TENM4: variants seen among roughly 807,000 people sequenced by gnomAD.
The protein encoded by TENM4 is teneurin transmembrane protein 4.
TENM4 carries 82 observed loss-of-function variants against 243.3 expected under a neutral mutation model. That is an observed-to-expected ratio of 0.34 (90% CI 0.28 to 0.40). The LOEUF is 0.40. TENM4 is among the 10% of genes least tolerant of loss of function. The pLI, the probability that TENM4 is intolerant of heterozygous loss-of-function variation, is 1.00. For synonymous variants in TENM4, 1,412 were observed against 1,456.3 expected (o/e 0.97, Z 0.69); for missense variants, 3,138 against 3,673.3 (o/e 0.85, Z 3.77).
chr11:79,142,115 A>C (rs551140614), intron 4 of TENM4, among the ~76,000 whole-genome samples: 1 of 152,072 alleles, frequency 6.6e-6, no homozygotes, highest in Non-Finnish European at 1.5e-5. Context: ...GTTATTTAAC[A>C]TAGTACTGGA....
intron 6 of TENM4, among the ~76,000 whole-genome samples, chr11:78,995,094 C>T (rs1417610676): frequency 6.6e-6 from 1 of 152,108 alleles, no homozygotes; most frequent in Non-Finnish European, 1.5e-5. Flanking sequence ...AGTCTAGCCT[C>T]CTCTATGATA....
At chr11:79,351,518 C>T (rs1009881848) in intron 1 of TENM4, among the ~76,000 whole-genome samples, 6 of 152,162 alleles carry the variant, frequency 3.9e-5, no homozygotes, top group Admixed American at 2.6e-4. Context: ...CCAGCCTGGC[C>T]AGCATGGTGA....
At chr11:79,030,430 C>T (rs1209474424) in intron 6 of TENM4, among the ~76,000 whole-genome samples, 2 of 152,090 alleles carry the variant, frequency 1.3e-5, no homozygotes, top group Non-Finnish European at 2.9e-5. Context: ...TGGGAGCCAC[C>T]CTAGCTTGAT....
At chr11:78,677,416 G>C (rs780210708) in intron 29 of TENM4, among the ~76,000 whole-genome samples, 2 of 151,668 alleles carry the variant, frequency 1.3e-5, no homozygotes, top group African/African-American at 4.8e-5. Flanking sequence ...CACCACACCC[G>C]GCTAATTTTT....
chr11:78,845,162 T>C (rs1024024505), intron 12 of TENM4, among the ~76,000 whole-genome samples: 2 of 152,156 alleles, frequency 1.3e-5, no homozygotes, highest in African/African-American at 2.4e-5. Flanking sequence ...TATGAAAGGG[T>C]TGGTTCTCCC....
At chr11:78,714,626 G>T (rs1859481217) in intron 25 of TENM4, among the ~76,000 whole-genome samples, 1 of 152,076 alleles carries the variant, frequency 6.6e-6, no homozygotes, top group South Asian at 2.1e-4. Context: ...GAAGGTATGA[G>T]CTCCCTGCCC....
chr11:79,175,553 G>A (rs114481054), intron 3 of TENM4, among the ~76,000 whole-genome samples: 1,569 of 152,278 alleles, frequency 0.01, 25 homozygotes, highest in African/African-American at 0.036. Context: ...ACATGGAAAG[G>A]TAGACTATAT....
chr11:78,864,177 T>G (rs1200999863), intron 9 of TENM4, among the ~76,000 whole-genome samples: 3 of 152,076 alleles, frequency 2.0e-5, no homozygotes, highest in Non-Finnish European at 4.4e-5. Flanking sequence ...ATACTATGGA[T>G]CGGGGGATAG....
chr11:78,704,924 C>T (rs373784890), intron 27 of TENM4, among the ~76,000 whole-genome samples: 119 of 152,258 alleles, frequency 7.8e-4, no homozygotes, highest in African/African-American at 1.8e-3. Context: ...CATGATCTTC[C>T]GGTCCTGCTT....
At chr11:79,093,272 GA>G (rs3216125) in intron 4 of TENM4, 46,909 of 152,032 alleles carry the variant, frequency 0.31, 7,455 homozygotes, top group East Asian at 0.42. Flanking sequence ...CCAGTAAGAT[GA>G]AAAAAGGAAG....
intron 6 of TENM4, among the ~76,000 whole-genome samples, chr11:78,962,691 C>A (rs1857356399): frequency 6.6e-6 from 1 of 152,260 alleles, no homozygotes; most frequent in African/African-American, 2.4e-5. Context: ...TATCAAACAG[C>A]TGCCCCTCTC....
chr11:78,807,797 A>G (rs1292109919), intron 14 of TENM4, among the ~76,000 whole-genome samples: 2 of 152,170 alleles, frequency 1.3e-5, no homozygotes, highest in African/African-American at 2.4e-5. Flanking sequence ...CTGCAGAAGA[A>G]AAAGCTCTCC....
chr11:78,730,843 T>C lies in TENM4; in HGVS notation c.3139-1200A>G, dbSNP rs183949470. The stretch of plus-strand genomic sequence containing the variant: ...CCTGAACACAGGAAATTTTAGGGAT[T>C]GGGCTTAAACTAAGGCAATCTTCCT... On this transcript the variant is annotated intron_variant, in intron 21 of 33. Coordinates refer to ENST00000278550, the MANE Select transcript of TENM4 (RefSeq NM_001098816.3). Among the ~76,000 whole-genome samples, 302 of 152,344 alleles carry C rather than the reference T, an allele frequency of 2.0e-3. 1 individual carries two copies. The highest frequency in any genetic ancestry group is 7.0e-3 in the African/African-American group (290 of 41,586).
At chr11:79,157,519 G>C (rs1201199975) in intron 3 of TENM4, among the ~76,000 whole-genome samples, 2 of 152,136 alleles carry the variant, frequency 1.3e-5, no homozygotes, top group Non-Finnish European at 2.9e-5. Flanking sequence ...TGGTAAAGAA[G>C]ACCCAGGTCT....
chr11:79,163,486 C>T (rs1862801990), intron 3 of TENM4, among the ~76,000 whole-genome samples: 1 of 151,790 alleles, frequency 6.6e-6, no homozygotes, highest in African/African-American at 2.4e-5. Flanking sequence ...TTGGTGCACC[C>T]ATCACCCGAG....
At chr11:79,272,993 T>C (rs1015870679) in intron 2 of TENM4, among the ~76,000 whole-genome samples, 1 of 152,200 alleles carries the variant, frequency 6.6e-6, no homozygotes, top group African/African-American at 2.4e-5. Context: ...TGCTCAGGGA[T>C]GGTCCTAAGA....
chr11:79,245,173 T>G (rs1389105638), intron 2 of TENM4, among the ~76,000 whole-genome samples: 1 of 152,240 alleles, frequency 6.6e-6, no homozygotes, highest in Non-Finnish European at 1.5e-5. Flanking sequence ...GTTGCCATCC[T>G]GCACGTGGAA....
At chr11:79,280,669 T>A (rs948748546) in intron 2 of TENM4, among the ~76,000 whole-genome samples, 1 of 152,228 alleles carries the variant, frequency 6.6e-6, no homozygotes, top group Admixed American at 6.5e-5. Context: ...TGTAGTCACC[T>A]GTCCCAATTA....
chr11:79,380,055 G>C (rs996536361), intron 1 of TENM4, among the ~76,000 whole-genome samples: 1 of 152,156 alleles, frequency 6.6e-6, no homozygotes, highest in Non-Finnish European at 1.5e-5. Context: ...GGCTGGTGGG[G>C]CAGAGAGAAG....
Sources: allele counts gnomAD v4.1 joint callset (sites outside exome capture counted in the v4.1 genomes callset), GRCh38; gene constraint gnomAD v4.1.1; transcripts MANE v1.5; gene names NCBI Gene and HGNC (gene_info 2026-07-23, HGNC 2026-07-21).